The following TUSC3 variants were observed in gnomAD, a reference collection of about 807,000 sequenced individuals.
TUSC3 encodes the protein dolichyl-diphosphooligosaccharide--protein glycosyltransferase subunit TUSC3.
TUSC3 carries 45 observed loss-of-function variants against 44.8 expected under a neutral mutation model. That is an observed-to-expected ratio of 1.00 (90% confidence interval 0.79 to 1.29). TUSC3 has a LOEUF of 1.29. Ranked by LOEUF, TUSC3 falls within the 50% of genes most tolerant of loss-of-function variation. TUSC3 has a pLI of 0.00. For missense variants in TUSC3, 519 were observed against 437.9 expected, an observed-to-expected ratio of 1.19 and a Z score of -1.65; for synonymous variants, 212 against 152.9, an observed-to-expected ratio of 1.39 and a Z score of -2.85.
chr8:15,448,475 G>C (rs1171146556), intron 1 of TUSC3, among the ~76,000 whole-genome samples: 2 of 151,968 alleles, frequency 1.3e-5, no homozygotes, highest in Non-Finnish European at 2.9e-5. Context: ...ATAACTTTTG[G>C]AGATTTTACC....
intron 2 of TUSC3, among the ~76,000 whole-genome samples, chr8:15,523,718 A>ATGTGTGTG (rs1370323903): frequency 1.6e-5 from 2 of 124,834 alleles, no homozygotes; most frequent in East Asian, 2.2e-4. Context: ...GTATATATAT[A>ATGTGTGTG]TATATATAAA....
the TUSC3 span, among the ~76,000 whole-genome samples, chr8:15,790,487 C>T: frequency 1.3e-5 from 2 of 152,076 alleles, no homozygotes; most frequent in African/African-American, 4.8e-5. Context: ...CCGGCCTCAC[C>T]ATGGCATTTG....
At chr8:15,483,319 TG>T (rs1800688253) in intron 1 of TUSC3, 13 of 181,702 alleles carry the variant, frequency 7.2e-5, no homozygotes, top group South Asian at 4.5e-4. Context: ...GCACTGTTTT[TG>T]TTGTTGTTGT....
At chr8:15,503,902 C>G (rs1801008179) in intron 2 of TUSC3, among the ~76,000 whole-genome samples, 1 of 151,130 alleles carries the variant, frequency 6.6e-6, no homozygotes, top group South Asian at 2.1e-4. Context: ...GTAATCCTAG[C>G]TACTTGGGAG....
At chr8:15,588,458 C>G (rs900841647) in intron 1 of TUSC3, among the ~76,000 whole-genome samples, 1 of 151,972 alleles carries the variant, frequency 6.6e-6, no homozygotes, top group Non-Finnish European at 1.5e-5. Flanking sequence ...TCTGGATATT[C>G]GTTCCTTGTT....
chr8:15,560,927 A>G (rs1248078871), intron 1 of TUSC3, among the ~76,000 whole-genome samples: 1 of 74,002 alleles, frequency 1.4e-5, no homozygotes, highest in Non-Finnish European at 3.0e-5. Flanking sequence ...CAAAGTTTTC[A>G]ACTTCTTTGC....
At chr8:15,650,308 A>G (rs935348232) in intron 2 of TUSC3, among the ~76,000 whole-genome samples, 1 of 152,224 alleles carries the variant, frequency 6.6e-6, no homozygotes, top group African/African-American at 2.4e-5. Context: ...GGAATATTTA[A>G]TTTATGTGTA....
chr8:15,526,495 A>C (rs13277432), intron 2 of TUSC3, among the ~76,000 whole-genome samples: 95,120 of 151,942 alleles, frequency 0.63, 31,294 homozygotes, highest in Non-Finnish European at 0.72. Context: ...AGTGGGAGAT[A>C]ATTGAATGGT....
intron 1 of TUSC3, among the ~76,000 whole-genome samples, chr8:15,441,053 G>C (rs1001071467): frequency 5.9e-5 from 9 of 152,182 alleles, no homozygotes; most frequent in Middle Eastern, 3.4e-3. Context: ...ATTTAAGTTT[G>C]GTTTCTTTCA....
In TUSC3 at chr8:15,421,391, T is replaced by C. The variant is rs187627715; in HGVS notation, n.91+4086T>C. On this transcript the variant is annotated intron_variant and non_coding_transcript_variant, in intron 1 of 5. Coordinates refer to the TUSC3 transcript ENST00000503191. ...CTTTGAGCCCTTACGGTAGTAACTC[T>C]CTCTTGCTGCAACACTCCTTCAGAC... Among the ~76,000 whole-genome samples the C allele has an allele frequency of 1.8e-4, 27 of 152,228 alleles. 1 individual carries two copies. Among genetic ancestry groups the C allele is most frequent in the East Asian group, 5.8e-4 (3 of 5,166 alleles).
chr8:15,770,885 A>G (rs1213734884), downstream of TUSC3, among the ~76,000 whole-genome samples: 2 of 152,226 alleles, frequency 1.3e-5, no homozygotes, highest in East Asian at 3.9e-4. Context: ...CCAAATCTGA[A>G]AAAAGACATG....
At chr8:15,706,722 GAAAC>G (rs1432163183) in intron 6 of TUSC3, among the ~76,000 whole-genome samples, 2 of 151,994 alleles carry the variant, frequency 1.3e-5, no homozygotes, top group Non-Finnish European at 2.9e-5. Context: ...CTGTATGGGT[GAAAC>G]AAACTGCATT....
At chr8:15,455,317 G>T (rs1800240076) in intron 1 of TUSC3, among the ~76,000 whole-genome samples, 1 of 152,088 alleles carries the variant, frequency 6.6e-6, no homozygotes, top group South Asian at 2.1e-4. Context: ...CTAACATGTA[G>T]ATTGGTTTTA....
the TUSC3 span, among the ~76,000 whole-genome samples, chr8:15,791,782 T>G: frequency 5.3e-5 from 8 of 152,162 alleles, no homozygotes; most frequent in Non-Finnish European, 1.2e-4. Context: ...GTCATAGGTC[T>G]TCTGTTGATT....
chr8:15,548,343 T>A (rs770956070), intron 1 of TUSC3, among the ~76,000 whole-genome samples: 19 of 151,888 alleles, frequency 1.3e-4, no homozygotes, highest in Non-Finnish European at 2.6e-4. Flanking sequence ...TTAAAGATCA[T>A]CATTATTTCA....
intron 2 of TUSC3, among the ~76,000 whole-genome samples, chr8:15,504,155 T>C (rs1585068500): frequency 6.6e-6 from 1 of 152,112 alleles, no homozygotes; most frequent in Non-Finnish European, 1.5e-5. Flanking sequence ...TAGAGGTTAA[T>C]AGTGTAGGCC....
At chr8:15,659,235 G>A (rs530559576) in intron 3 of TUSC3, among the ~76,000 whole-genome samples, 1 of 152,084 alleles carries the variant, frequency 6.6e-6, no homozygotes, top group South Asian at 2.1e-4. Context: ...GAAAGAAAAA[G>A]AACGAAATGA....
At chr8:15,437,420 G>A (rs1323452600) in intron 1 of TUSC3, among the ~76,000 whole-genome samples, 1 of 152,114 alleles carries the variant, frequency 6.6e-6, no homozygotes, top group Non-Finnish European at 1.5e-5. Context: ...ATGTCATCCA[G>A]AAAGAGATTC....
intron 6 of TUSC3, among the ~76,000 whole-genome samples, chr8:15,722,148 A>G (rs532702868): frequency 7.3e-5 from 11 of 151,684 alleles, no homozygotes; most frequent in African/African-American, 2.2e-4. Context: ...CCTGCAGTCT[A>G]TGTTTTTGTT....
Sources: allele counts gnomAD v4.1 joint callset (sites outside exome capture counted in the v4.1 genomes callset), GRCh38; gene constraint gnomAD v4.1.1; transcripts MANE v1.5; gene names NCBI Gene and HGNC (gene_info 2026-07-23, HGNC 2026-07-21).